The following RUNX1T1 variants were observed in gnomAD, a reference collection of about 807,000 sequenced individuals.
RUNX1T1 encodes the protein RUNX1 partner transcriptional co-repressor 1.
RUNX1T1 carries 4 observed loss-of-function variants against 62.8 expected under a neutral mutation model. The observed-to-expected ratio is 0.06, with a 90% CI of 0.03 to 0.15. The LOEUF is 0.15. RUNX1T1 is among the 10% of genes least tolerant of loss of function. The pLI is 1.00. For synonymous variants in RUNX1T1, 291 were observed against 286.0 expected (o/e 1.02, Z -0.18); for missense variants, 508 against 754.3 (o/e 0.67, Z 3.82).
chr8:92,049,732 A>G (rs1829954431), intron 1 of RUNX1T1, among the ~76,000 whole-genome samples: 1 of 152,166 alleles, frequency 6.6e-6, no homozygotes, highest in Admixed American at 6.6e-5. Context: ...AATAAGTCGA[A>G]CTCTATTTAG....
intron 3 of RUNX1T1, among the ~76,000 whole-genome samples, chr8:92,012,019 G>A (rs1485369849): frequency 1.3e-5 from 2 of 152,050 alleles, no homozygotes; most frequent in African/African-American, 2.4e-5. Flanking sequence ...CAAAATTTGG[G>A]AATTTGTGAC....
At chr8:92,020,825 C>CTTTT (rs372324370) in intron 1 of RUNX1T1, among the ~76,000 whole-genome samples, 1 of 130,666 alleles carries the variant, frequency 7.7e-6, no homozygotes, top group Non-Finnish European at 1.7e-5. Flanking sequence ...TTCCCATTTC[C>CTTTT]TTTTTTTTTT....
chr8:92,102,782 GAACAGTAATTAAT>G, upstream of RUNX1T1: 4 of 1,392,872 alleles, frequency 2.9e-6, 1 homozygote, highest in Non-Finnish European at 3.8e-6. This position sits in a 1 kb window ranked among gnomAD's most constrained non-coding sequence, Gnocchi z 4.5. Context: ...ACGGTCATCG[GAACAGTAATTAAT>G]AACAGTCAGG....
At chr8:92,063,211 A>T (rs1050823690), upstream of RUNX1T1, among the ~76,000 whole-genome samples, 1 of 152,196 alleles carries the variant, frequency 6.6e-6, no homozygotes, top group Non-Finnish European at 1.5e-5. Context: ...ATCATCCTGC[A>T]CAAAGTATCA....
At chr8:92,016,658 G>C (rs1331274684) in intron 2 of RUNX1T1, among the ~76,000 whole-genome samples, 1 of 152,130 alleles carries the variant, frequency 6.6e-6, no homozygotes, top group East Asian at 1.9e-4. Context: ...CTGGGTGACA[G>C]AGCGAGATTC....
At chr8:92,012,329 A>T (rs1822110929) in intron 3 of RUNX1T1, among the ~76,000 whole-genome samples, 1 of 152,246 alleles carries the variant, frequency 6.6e-6, no homozygotes, top group South Asian at 2.1e-4. Flanking sequence ...GTGTCACTTG[A>T]GCCCAGGAGT....
intron 2 of RUNX1T1, among the ~76,000 whole-genome samples, chr8:92,072,257 A>G (rs1300721378): frequency 6.6e-6 from 1 of 152,196 alleles, no homozygotes; most frequent in African/African-American, 2.4e-5. Context: ...CATAATTAAC[A>G]TTGTTATTTT....
intron 5 of RUNX1T1, among the ~76,000 whole-genome samples, chr8:91,993,649 A>G (rs1818123859): frequency 6.6e-6 from 1 of 152,146 alleles, no homozygotes; most frequent in Non-Finnish European, 1.5e-5. Flanking sequence ...CAGCTCCTCA[A>G]TAACAGAAGC....
intron 2 of RUNX1T1, 71 bp from the exon 4 acceptor site, chr8:92,014,891 G>A: frequency 7.0e-7 from 1 of 1,437,124 alleles, no homozygotes; most frequent in Non-Finnish European, 9.4e-7. Flanking sequence ...TTGCCACCAA[G>A]TTTCCTACCT....
At chr8:92,091,560 A>C (rs956860743) in intron 1 of RUNX1T1, among the ~76,000 whole-genome samples, 1 of 152,204 alleles carries the variant, frequency 6.6e-6, no homozygotes, top group African/African-American at 2.4e-5. Flanking sequence ...TGGCTTCAAA[A>C]ACAACTCTCA....
At chr8:92,026,502 A>G (rs1055938514) in intron 1 of RUNX1T1, among the ~76,000 whole-genome samples, 11 of 152,222 alleles carry the variant, frequency 7.2e-5, no homozygotes, top group African/African-American at 2.7e-4. Context: ...AGTAAACGTT[A>G]AATCTGTAGC....
chr8:92,023,097 C>A (rs1303997792), intron 1 of RUNX1T1, among the ~76,000 whole-genome samples: 2 of 152,094 alleles, frequency 1.3e-5, no homozygotes, highest in Non-Finnish European at 1.5e-5. Context: ...GACAATGGGC[C>A]ATGAAAGGAG....
At chr8:91,977,096 A>G (rs1255288182) in intron 8 of RUNX1T1, 2 of 194,052 alleles carry the variant, frequency 1.0e-5, no homozygotes, top group African/African-American at 2.3e-5. Flanking sequence ...TTAGCTAAGT[A>G]TATGTTGTTA....
At chr8:92,103,195 CTGT>C (rs1445451955), upstream of RUNX1T1, 16 of 324,606 alleles carry the variant, frequency 4.9e-5, no homozygotes, top group Non-Finnish European at 7.2e-5. Flanking sequence ...CTCCGCTTTT[CTGT>C]TGTTGCTGCT....
chr8:91,984,726 T>G (rs1464321398), intron 8 of RUNX1T1, among the ~76,000 whole-genome samples: 2 of 152,218 alleles, frequency 1.3e-5, no homozygotes. Flanking sequence ...GATTAATCAA[T>G]TTTTGTTCAT....
chr8:92,019,404 G>A (rs1266522556), intron 1 of RUNX1T1, among the ~76,000 whole-genome samples: 6 of 151,992 alleles, frequency 3.9e-5, no homozygotes, highest in Admixed American at 2.6e-4. Flanking sequence ...CACAGACAGA[G>A]AAAGGAAGAG....
intron 4 of RUNX1T1, chr8:92,010,084 G>C (rs1751149687): frequency 6.6e-6 from 1 of 152,126 alleles, no homozygotes; most frequent in African/African-American, 2.4e-5. Flanking sequence ...TTTCACACAG[G>C]ATCTGATCAG....
chr8:91,962,228 C>T (rs1376118746), intron 10 of RUNX1T1, among the ~76,000 whole-genome samples: 1 of 152,156 alleles, frequency 6.6e-6, no homozygotes, highest in African/African-American at 2.4e-5. Flanking sequence ...CTTTAACCAT[C>T]AGACATTGCT....
chr8:92,046,925 G>A (rs1305747656), intron 1 of RUNX1T1, among the ~76,000 whole-genome samples: 1 of 152,178 alleles, frequency 6.6e-6, no homozygotes, highest in Non-Finnish European at 1.5e-5. Flanking sequence ...AATAATAAAT[G>A]ACGGGAGTAA....
Sources: gnomAD v4.1 joint callset for allele counts (sites outside exome capture counted in the v4.1 genomes callset) on GRCh38, gnomAD v4.1.1 for gene constraint, Gnocchi (gnomAD v3.1) non-coding constraint, MANE v1.5 for transcripts, NCBI Gene and HGNC (gene_info 2026-07-23, HGNC 2026-07-21) for gene names.